Variants in SNX6 observed in about 807,000 individuals in gnomAD.
The protein encoded by SNX6 is sorting nexin 6.
Under a neutral mutation model 63.0 loss-of-function variants are expected in SNX6, and 34 were observed. The ratio of observed to expected loss-of-function variants is 0.54; its 90% confidence interval spans 0.41 to 0.72. The LOEUF (loss-of-function observed/expected upper bound fraction) is 0.72. SNX6 is among the 30% of genes least tolerant of loss of function. The pLI, the probability that SNX6 is intolerant of heterozygous loss-of-function variation, is 0.00. For synonymous variants in SNX6, 170 were observed against 164.2 expected, an observed-to-expected ratio of 1.04 and a Z score of -0.27; for missense variants, 398 against 471.4, an observed-to-expected ratio of 0.84 and a Z score of 1.44.
intron 7 of SNX6, among the ~76,000 whole-genome samples, chr14:34,596,545 G>C (rs1018686964): frequency 6.6e-6 from 1 of 150,552 alleles, no homozygotes; most frequent in Admixed American, 6.6e-5. Context: ...CTTGAACCTG[G>C]GAGGCGGAGG....
intron 7 of SNX6, among the ~76,000 whole-genome samples, chr14:34,593,862 C>T (rs1594722603): frequency 6.6e-6 from 1 of 151,520 alleles, no homozygotes; most frequent in South Asian, 2.1e-4. Flanking sequence ...ACAGATGTGA[C>T]CCACCACGCC....
At chr14:34,582,633 C>T (rs1881987761) in intron 9 of SNX6, among the ~76,000 whole-genome samples, 1 of 152,132 alleles carries the variant, frequency 6.6e-6, no homozygotes, top group Non-Finnish European at 1.5e-5. Flanking sequence ...GCAACCTCCA[C>T]CTCCTGGGTT....
Position 34,562,876 on chromosome 14 carries a change from T to C in SNX6, c.*246A>G. Reference sequence around the variant, plus strand: ...CTTTAAAGAAGAATGAACTTTGGACTTCTGAGTATGACGAGTGCACGATGA... The same window carrying C: ...CTTTAAAGAAGAATGAACTTTGGACCTCTGAGTATGACGAGTGCACGATGA... On this transcript the variant is annotated 3_prime_UTR_variant, in exon 14 of 14. Coordinates refer to ENST00000362031, the MANE Select transcript of SNX6 (RefSeq NM_152233.4). 1 of 474,500 alleles carries C rather than the reference T, an allele frequency of 2.1e-6. No homozygotes were observed. The highest frequency in any genetic ancestry group is 3.9e-5 in the Admixed American group (1 of 25,934). 29.4% of individuals were successfully genotyped at this position (474,500 alleles called of 1,614,324 possible). A position where few individuals can be genotyped will look rare whatever the true frequency, so the allele number is the denominator to read the frequency against.
intron 11 of SNX6, among the ~76,000 whole-genome samples, chr14:34,570,730 T>C (rs139693609): frequency 0.25 from 37,397 of 148,732 alleles, 5,956 homozygotes; most frequent in Non-Finnish European, 0.37. Flanking sequence ...CTTCTCTTTT[T>C]TTTTTTTTTT....
chr14:34,586,196 C>T, intron 9 of SNX6, 34 bp downstream of exon 9: 1 of 1,439,046 alleles, frequency 6.9e-7, no homozygotes, highest in Non-Finnish European at 9.7e-7. Context: ...CCACCGCGCC[C>T]AGCCTATTTC....
intron 9 of SNX6, among the ~76,000 whole-genome samples, chr14:34,581,877 G>A (rs997624971): frequency 1.3e-5 from 2 of 152,002 alleles, no homozygotes; most frequent in Non-Finnish European, 2.9e-5. Flanking sequence ...TGCGCAGAAC[G>A]GAGTGCAACT....
intron 13 of SNX6, among the ~76,000 whole-genome samples, chr14:34,566,289 C>T (rs573765948): frequency 1.4e-4 from 21 of 152,170 alleles, no homozygotes; most frequent in African/African-American, 3.6e-4. Flanking sequence ...TCTTGGCTCA[C>T]GCAGCCTCTG....
At chr14:34,576,171 C>T (rs1881692720) in intron 10 of SNX6, among the ~76,000 whole-genome samples, 3 of 151,550 alleles carry the variant, frequency 2.0e-5, no homozygotes, top group African/African-American at 7.3e-5. Context: ...GTGATCTGCC[C>T]GCCTCAGCCT....
chr14:34,594,153 C>T (rs1882509642), intron 7 of SNX6, among the ~76,000 whole-genome samples: 2 of 152,138 alleles, frequency 1.3e-5, no homozygotes, highest in Admixed American at 1.3e-4. Context: ...TTCTGGTGGA[C>T]AGAAGTGAAA....
intron 11 of SNX6, among the ~76,000 whole-genome samples, chr14:34,574,094 TTGG>T (rs1881576866): frequency 1.3e-5 from 2 of 151,706 alleles, no homozygotes; most frequent in Non-Finnish European, 2.9e-5. Context: ...TCCCAGCACT[TTGG>T]GAGGCCGAGG....
At chr14:34,628,716 C>G (rs1391951712) in intron 2 of SNX6, among the ~76,000 whole-genome samples, 1 of 152,156 alleles carries the variant, frequency 6.6e-6, no homozygotes, top group East Asian at 1.9e-4. Context: ...GCAATAACAT[C>G]CCACAATATT....
chr14:34,563,169 G>T lies in SNX6; in HGVS notation c.1174C>A (p.Leu392Ile), dbSNP rs749614942. 4.3e-6 allele frequency: 7 copies of T among 1,613,296 alleles called. No homozygotes were observed. In the East Asian group the frequency reaches 1.6e-4, roughly 36 times the overall value. ...GCCAGGCAGTTCTGCAGCAACTGTA[G>T]ATTACCCTAAAAAAGGAAGAAAAAA... ...ELELKHAKGN[L>I]QLLQNCLAVL... is the part of the protein sequence containing the mutation. Residue 392 changes from leucine (L) to isoleucine (I), a missense_variant, in exon 14 of 14, where the codon CTA (leucine) becomes ATA (isoleucine). Leu to Ile is a conservative substitution (Grantham distance 5). Transcript: ENST00000362031.
intron 5 of SNX6, chr14:34,604,188 C>T (rs911110675): frequency 9.3e-6 from 12 of 1,288,370 alleles, no homozygotes; most frequent in African/African-American, 1.5e-5. Flanking sequence ...TGAGGGTAGT[C>T]ATTCAGTGAA....
intron 13 of SNX6, among the ~76,000 whole-genome samples, chr14:34,564,380 C>G (rs1952439458): frequency 2.0e-5 from 3 of 152,092 alleles, no homozygotes; most frequent in African/African-American, 7.2e-5. Context: ...CTGGTAGTAA[C>G]CATAGAACAC....
At chr14:34,615,527 C>A (rs997746625) in intron 2 of SNX6, among the ~76,000 whole-genome samples, 1 of 151,832 alleles carries the variant, frequency 6.6e-6, no homozygotes, top group East Asian at 1.9e-4. Context: ...TGGCTAAATT[C>A]TCTCTTGTAT....
Position 34,575,752 on chromosome 14 carries a change from T to A in SNX6, c.921+4A>T, listed in dbSNP as rs1410689480. 5 of 1,540,252 alleles carry A rather than the reference T, an allele frequency of 3.2e-6. No individual in the cohort carries two copies. The highest frequency in any genetic ancestry group is 4.4e-6 in the Non-Finnish European group (5 of 1,134,204). On this transcript the variant is annotated splice_donor_region_variant and intron_variant, in intron 11 of 13. Coordinates refer to ENST00000362031, the MANE Select transcript of SNX6 (RefSeq NM_152233.4). ...TGGCTCATTTAAAAAAAGATTAAAATTACCTTAGCAGCTTGAGATTCTCTT... is the reference window on the plus strand; with the variant it reads ...TGGCTCATTTAAAAAAAGATTAAAAATACCTTAGCAGCTTGAGATTCTCTT...
chr14:34,593,206 T>G, intron 7 of SNX6, 56 bp from the exon 8 acceptor site: 1 of 996,216 alleles, frequency 1.0e-6, no homozygotes, highest in Non-Finnish European at 1.5e-6. Flanking sequence ...TAGTTTTATA[T>G]GTAAATAACT....
At chr14:34,606,698 C>T (rs1254126851) in intron 4 of SNX6, among the ~76,000 whole-genome samples, 2 of 152,118 alleles carry the variant, frequency 1.3e-5, no homozygotes, top group African/African-American at 2.4e-5. Flanking sequence ...ATGATCCACC[C>T]GCCTCGGCCT....
At chr14:34,605,572 C>CA (rs1360962326) in intron 5 of SNX6, 24 bp downstream of exon 5, 6 of 1,432,866 alleles carry the variant, frequency 4.2e-6, no homozygotes, top group South Asian at 2.8e-5. Context: ...AAAAAAAAAA[C>CA]AAAAAAATAA....
Sources: gnomAD v4.1 joint callset for allele counts (sites outside exome capture counted in the v4.1 genomes callset) on GRCh38, gnomAD v4.1.1 for gene constraint, MANE v1.5 for transcripts, NCBI Gene and HGNC (gene_info 2026-07-23, HGNC 2026-07-21) for gene names.